The following INPP4B variants were observed in gnomAD, a reference collection of about 807,000 sequenced individuals.
INPP4B encodes the protein inositol polyphosphate-4-phosphatase type II B.
INPP4B carries 55 observed loss-of-function variants against 122.5 expected under a neutral mutation model. The ratio of observed to expected loss-of-function variants is 0.45; its 90% confidence interval spans 0.36 to 0.56. INPP4B has a LOEUF of 0.56. INPP4B is among the 20% of genes least tolerant of loss of function. The pLI, the probability that INPP4B is intolerant of heterozygous loss-of-function variation, is 0.00. For synonymous variants in INPP4B, 403 were observed against 388.7 expected (o/e 1.04, Z -0.43); for missense variants, 1,000 against 1,097.7 (o/e 0.91, Z 1.26).
chr4:142,156,247 AGAAGTAGGCAG>A (rs1379921236), intron 17 of INPP4B, among the ~76,000 whole-genome samples: 1 of 151,996 alleles, frequency 6.6e-6, no homozygotes, highest in Non-Finnish European at 1.5e-5. Flanking sequence ...TGATTTGAAT[AGAAGTAGGCAG>A]ATTTAGCCCT....
chr4:142,549,160 G>A (rs1454232023), intron 2 of INPP4B, among the ~76,000 whole-genome samples: 1 of 152,068 alleles, frequency 6.6e-6, no homozygotes, highest in African/African-American at 2.4e-5. Flanking sequence ...AACCCGCACT[G>A]CACAGCATCA....
At chr4:142,687,559 C>CAAAAA (rs3080815) in intron 2 of INPP4B, among the ~76,000 whole-genome samples, 2 of 100,608 alleles carry the variant, frequency 2.0e-5, no homozygotes, top group African/African-American at 7.8e-5. Context: ...ATCCTTCCTC[C>CAAAAA]AAAAAAAAAA....
At chr4:142,785,282 T>C (rs1328778927) in intron 1 of INPP4B, among the ~76,000 whole-genome samples, 1 of 151,952 alleles carries the variant, frequency 6.6e-6, no homozygotes, top group African/African-American at 2.4e-5. Flanking sequence ...CATCTTTCAA[T>C]AAAAAATTAC....
chr4:142,845,549 T>C, intron 1 of INPP4B, among the ~76,000 whole-genome samples: 1 of 152,162 alleles, frequency 6.6e-6, no homozygotes, highest in African/African-American at 2.4e-5. Context: ...TGCTGCCTGA[T>C]GGCCGAGAGA....
intron 2 of INPP4B, among the ~76,000 whole-genome samples, chr4:142,701,105 GAA>G (rs141310987): frequency 0.011 from 1,733 of 152,216 alleles, 30 homozygotes; most frequent in African/African-American, 0.032. Flanking sequence ...AGGAATCACA[GAA>G]AAGTTTATAT....
intron 7 of INPP4B, among the ~76,000 whole-genome samples, chr4:142,368,945 C>A (rs1406391258): frequency 1.3e-5 from 2 of 151,762 alleles, no homozygotes. Flanking sequence ...CAAGAAGAGA[C>A]TAGTGTTTTG....
chr4:142,720,159 C>G (rs1764326720), intron 2 of INPP4B, among the ~76,000 whole-genome samples: 1 of 152,138 alleles, frequency 6.6e-6, no homozygotes, highest in African/African-American at 2.4e-5. Flanking sequence ...TACATGTGAA[C>G]AGAAACTGGT....
chr4:142,615,744 A>C lies in INPP4B; in HGVS notation c.-191+110095T>G, dbSNP rs201251875. On this transcript the variant is annotated intron_variant, in intron 2 of 25. Coordinates refer to ENST00000262992, the MANE Select transcript of INPP4B (RefSeq NM_001101669.3). ...GAATTCAGTTTTTAAGGTTTTTCTG[A>C]GGTCCCCTTGGCCAAGAAAGTGTGT... is the stretch of plus-strand genomic sequence containing the variant. Among the ~76,000 whole-genome samples, 29 of 152,184 alleles carry C rather than the reference A, an allele frequency of 1.9e-4. No homozygotes were observed. The East Asian group carries it at 5.2e-3, about 27-fold the overall frequency.
rs545111188 is a variant in INPP4B at position 142,425,717 on chromosome 4, C to G, written c.136+3456G>C. Among the ~76,000 whole-genome samples, 5 of 152,086 alleles carry G rather than the reference C, an allele frequency of 3.3e-5. No individual in the cohort carries two copies. In the South Asian group the frequency reaches 1.0e-3, roughly 32 times the overall value. On this transcript the variant is annotated intron_variant, in intron 5 of 25. Coordinates refer to ENST00000262992, the MANE Select transcript of INPP4B (RefSeq NM_001101669.3). ...TTTCGCCCAAGTCAAGTGCCTCTCC[C>G]CCAGATATGTTCTATCCAGTGGCCT...
At chr4:142,622,871 G>T (rs1479873518) in intron 2 of INPP4B, among the ~76,000 whole-genome samples, 1 of 151,962 alleles carries the variant, frequency 6.6e-6, no homozygotes, top group East Asian at 1.9e-4. Flanking sequence ...CATATTGTAA[G>T]ATTCACCCAT....
At chr4:142,697,919 T>G (rs1442036585) in intron 2 of INPP4B, among the ~76,000 whole-genome samples, 1 of 151,844 alleles carries the variant, frequency 6.6e-6, no homozygotes, top group Non-Finnish European at 1.5e-5. Flanking sequence ...AAACTCAGAG[T>G]TTTAAAGACT....
chr4:142,027,591 A>C lies in INPP4B; in HGVS notation c.*1191T>G, dbSNP rs894848804. 1 of 152,340 alleles carries C rather than the reference A, an allele frequency of 6.6e-6. No individual in the cohort carries two copies. Among genetic ancestry groups the C allele is most frequent in the Non-Finnish European group, 1.5e-5 (1 of 68,028 alleles). 9.4% of individuals were successfully genotyped at this position (152,340 alleles called of 1,614,324 possible). On this transcript the variant is annotated 3_prime_UTR_variant, in exon 26 of 26. Transcript: ENST00000262992. ...CATATTTAGCATGGCAATTTGGAGAAGTGACAAGCCACAGGCTAGGAAAGT... is the reference window on the plus strand; with the variant it reads ...CATATTTAGCATGGCAATTTGGAGACGTGACAAGCCACAGGCTAGGAAAGT...
chr4:142,649,171 C>T (rs1752421822), intron 2 of INPP4B, among the ~76,000 whole-genome samples: 1 of 151,452 alleles, frequency 6.6e-6, no homozygotes, highest in Non-Finnish European at 1.5e-5. Flanking sequence ...AGGAATAGTA[C>T]CAACATCAAC....
chr4:142,639,092 A>C (rs764289476), intron 2 of INPP4B, among the ~76,000 whole-genome samples: 2 of 152,038 alleles, frequency 1.3e-5, no homozygotes, highest in Non-Finnish European at 2.9e-5. Flanking sequence ...CTGTTTTTTG[A>C]ATGCTGACCT....
chr4:142,062,623 C>G (rs1213595342), intron 25 of INPP4B, among the ~76,000 whole-genome samples: 3 of 151,994 alleles, frequency 2.0e-5, no homozygotes, highest in Non-Finnish European at 4.4e-5. Flanking sequence ...GTAGTCCCAG[C>G]TACTTGGGGG....
intron 3 of INPP4B, among the ~76,000 whole-genome samples, chr4:142,444,271 C>G (rs1562113398): frequency 6.6e-6 from 1 of 152,058 alleles, no homozygotes; most frequent in Non-Finnish European, 1.5e-5. Flanking sequence ...AGACCTTTGT[C>G]AAATGGATAG....
chr4:142,333,513 A>G (rs933658541), intron 7 of INPP4B, among the ~76,000 whole-genome samples: 1 of 152,208 alleles, frequency 6.6e-6, no homozygotes, highest in African/African-American at 2.4e-5. Context: ...TTGTTACAAT[A>G]TATTACCTAT....
rs180749219 is a variant in INPP4B at position 142,388,320 on chromosome 4, G to C, written c.372+14618C>G. Reference sequence around the variant, plus strand: ...AGCTTAATTAGAAGTGGCTATCCAAGTGATAGGTATATTTAAAAGGCCTAT... The same window carrying C: ...AGCTTAATTAGAAGTGGCTATCCAACTGATAGGTATATTTAAAAGGCCTAT... On this transcript the variant is annotated intron_variant, in intron 7 of 25. Coordinates refer to ENST00000262992, the MANE Select transcript of INPP4B (RefSeq NM_001101669.3). Among the ~76,000 whole-genome samples the C allele has an allele frequency of 4.3e-3, 660 of 152,144 alleles. 5 individuals are homozygous for C. Among genetic ancestry groups the C allele is most frequent in the African/African-American group, 0.016 (646 of 41,526 alleles).
rs138927832 is a variant in INPP4B, at chr4:142,581,280, A to G, written c.-190-118554T>C. 3.3e-3 allele frequency among the ~76,000 whole-genome samples: 498 copies of G among 152,164 alleles called. 7 individuals are homozygous for G. The highest frequency in any genetic ancestry group is 0.018 in the East Asian group (93 of 5,164). On this transcript the variant is annotated intron_variant, in intron 2 of 25. Coordinates refer to ENST00000262992, the MANE Select transcript of INPP4B (RefSeq NM_001101669.3). ...AGGCTGTTTCTCCAAGTTTTGTGCT[A>G]TACAAGAAAAGCACTCAAGTATTTC...
Sources: gnomAD v4.1 joint callset for allele counts (sites outside exome capture counted in the v4.1 genomes callset) on GRCh38, gnomAD v4.1.1 for gene constraint, MANE v1.5 for transcripts, NCBI Gene and HGNC (gene_info 2026-07-23, HGNC 2026-07-21) for gene names.